The following SNAP25 variants were observed in gnomAD, a reference collection of about 807,000 sequenced individuals.
SNAP25 encodes the protein synaptosome associated protein 25.
In SNAP25, 3 loss-of-function variants were observed where a neutral mutation model predicts 28.7. The observed-to-expected ratio is 0.10, with a 90% confidence interval of 0.05 to 0.27. The LOEUF is 0.27. SNAP25 is among the 10% of genes least tolerant of loss of function. The pLI, the probability that SNAP25 is intolerant of heterozygous loss-of-function variation, is 1.00. For missense variants in SNAP25, 117 were observed against 278.7 expected (o/e 0.42, Z 4.13); for synonymous variants, 61 against 88.1 (o/e 0.69, Z 1.72).
In SNAP25 at chr20:10,223,678, A is replaced by G. The variant is rs79866663; in HGVS notation, c.-64+4701A>G. Among the ~76,000 whole-genome samples the G allele has an allele frequency of 4.6e-5, 7 of 152,226 alleles. No individual in the cohort carries two copies. In the East Asian group the frequency reaches 1.4e-3, roughly 29 times the overall value. ...TGAGGGGACAAAAAGTTAAAAAAAA[A>G]AGTCTTACAAGAGGAAAAAGACTTC... On this transcript the variant is annotated intron_variant, in intron 1 of 7. Transcript: ENST00000254976.
At chr20:10,289,385 CT>C (rs1442855857) in intron 4 of SNAP25, among the ~76,000 whole-genome samples, 1 of 152,028 alleles carries the variant, frequency 6.6e-6, no homozygotes, top group East Asian at 1.9e-4. Context: ...GAAGATGTGA[CT>C]TTTGGGAAAA....
intron 1 of SNAP25, among the ~76,000 whole-genome samples, chr20:10,234,915 T>TAGC (rs2062890796): frequency 6.6e-6 from 1 of 152,214 alleles, no homozygotes; most frequent in Non-Finnish European, 1.5e-5. Context: ...AAATAGGGAT[T>TAGC]AGCTGGGCAT....
chr20:10,245,370 C>T (rs1340474381), intron 1 of SNAP25, among the ~76,000 whole-genome samples: 1 of 152,094 alleles, frequency 6.6e-6, no homozygotes, highest in Non-Finnish European at 1.5e-5. Flanking sequence ...TATAAAAGAA[C>T]CTGGACCACT....
At chr20:10,260,051 C>G (rs1245186970) in intron 1 of SNAP25, among the ~76,000 whole-genome samples, 1 of 152,196 alleles carries the variant, frequency 6.6e-6, no homozygotes, top group Non-Finnish European at 1.5e-5. Context: ...TCTGAGTCCT[C>G]TAACCCAGAC....
At chr20:10,257,541 C>A (rs772224649) in intron 1 of SNAP25, among the ~76,000 whole-genome samples, 1 of 152,118 alleles carries the variant, frequency 6.6e-6, no homozygotes, top group Admixed American at 6.5e-5. Flanking sequence ...GGAGAAACCC[C>A]GTCTCTACTA....
At chr20:10,272,613 C>T (rs1030109687) in intron 1 of SNAP25, among the ~76,000 whole-genome samples, 5 of 152,188 alleles carry the variant, frequency 3.3e-5, no homozygotes, top group Non-Finnish European at 7.3e-5. Flanking sequence ...AATAAAGTCT[C>T]ATGTATTTAA....
intron 1 of SNAP25, among the ~76,000 whole-genome samples, chr20:10,220,928 GACC>G (rs1459008525): frequency 5.1e-4 from 78 of 152,238 alleles, no homozygotes; most frequent in African/African-American, 1.8e-3. Flanking sequence ...TTTTATAGAT[GACC>G]ATGTGTTTCC....
chr20:10,249,419 A>G (rs903731748), intron 1 of SNAP25, among the ~76,000 whole-genome samples: 5 of 152,124 alleles, frequency 3.3e-5, no homozygotes, highest in Non-Finnish European at 7.4e-5. Context: ...TGGCACAAAG[A>G]TGTTACCTTT....
intron 5 of SNAP25, chr20:10,296,468 C>T (rs1036614332): frequency 1.2e-5 from 2 of 160,562 alleles, no homozygotes; most frequent in Non-Finnish European, 2.8e-5. Flanking sequence ...TGTGTAAAAA[C>T]TTGGTTGAGG....
chr20:10,244,248 C>T (rs971288978), intron 1 of SNAP25, among the ~76,000 whole-genome samples: 43 of 152,286 alleles, frequency 2.8e-4, no homozygotes, highest in African/African-American at 9.4e-4. Flanking sequence ...TGTATCTGAT[C>T]TCTAGGGCCA....
intron 1 of SNAP25, among the ~76,000 whole-genome samples, chr20:10,249,739 C>A (rs2063192499): frequency 1.3e-5 from 2 of 152,242 alleles, no homozygotes; most frequent in South Asian, 4.2e-4. Context: ...AGATTTGGAG[C>A]CCAGGAATCT....
At chr20:10,254,889 T>C (rs1272018167) in intron 1 of SNAP25, among the ~76,000 whole-genome samples, 1 of 152,186 alleles carries the variant, frequency 6.6e-6, no homozygotes, top group Non-Finnish European at 1.5e-5. Context: ...TGTGTCTCAT[T>C]GGCCTCAGGG....
chr20:10,241,000 G>A (rs913685857), intron 1 of SNAP25, among the ~76,000 whole-genome samples: 2 of 152,202 alleles, frequency 1.3e-5, no homozygotes, highest in Non-Finnish European at 2.9e-5. Context: ...GCAGCTGCCA[G>A]GGTAATGGAA....
intron 1 of SNAP25, among the ~76,000 whole-genome samples, chr20:10,220,919 T>C (rs2062620437): frequency 6.6e-6 from 1 of 152,174 alleles, no homozygotes; most frequent in Non-Finnish European, 1.5e-5. Context: ...GTTTTTTCTT[T>C]TTATAGATGA....
chr20:10,252,758 CTTT>C (rs56654069), intron 1 of SNAP25, among the ~76,000 whole-genome samples: 6 of 133,858 alleles, frequency 4.5e-5, no homozygotes, highest in Non-Finnish European at 4.9e-5. Context: ...ATTTTCTCAT[CTTT>C]TTTTTTTTTT....
chr20:10,245,757 A>G (rs534763943), intron 1 of SNAP25, among the ~76,000 whole-genome samples: 1 of 152,316 alleles, frequency 6.6e-6, no homozygotes, highest in African/African-American at 2.4e-5. Flanking sequence ...GTCTTAAATG[A>G]ATCTACAATT....
At chr20:10,263,163 C>A (rs1054834962) in intron 1 of SNAP25, among the ~76,000 whole-genome samples, 1 of 151,914 alleles carries the variant, frequency 6.6e-6, no homozygotes, top group African/African-American at 2.4e-5. Context: ...GAACTACAGG[C>A]GCCCGCCACC....
At chr20:10,271,050 C>A (rs539996251) in intron 1 of SNAP25, among the ~76,000 whole-genome samples, 1 of 152,162 alleles carries the variant, frequency 6.6e-6, no homozygotes, top group Admixed American at 6.5e-5. Flanking sequence ...ATCAGAGCCT[C>A]GGGGAATAGT....
At chr20:10,292,853 C>A in intron 4 of SNAP25, 1 of 1,489,448 alleles carries the variant, frequency 6.7e-7, no homozygotes, top group Non-Finnish European at 9.2e-7. Flanking sequence ...AAAATTCATT[C>A]CACACTGTCA....
Sources: gnomAD v4.1 joint callset for allele counts (sites outside exome capture counted in the v4.1 genomes callset) on GRCh38, gnomAD v4.1.1 for gene constraint, MANE v1.5 for transcripts, NCBI Gene and HGNC (gene_info 2026-07-23, HGNC 2026-07-21) for gene names.